The following NEK9 variants were observed in gnomAD, a reference collection of about 807,000 sequenced individuals.
NEK9 encodes the protein NIMA related kinase 9.
A neutral mutation model predicts 123.4 loss-of-function variants in NEK9; 75 were observed. The observed-to-expected ratio is 0.61, with a 90% CI of 0.50 to 0.74. The LOEUF (loss-of-function observed/expected upper bound fraction) is 0.74. Among genes scored for constraint, NEK9 ranks in the 30% least tolerant of loss-of-function variants. NEK9 has a pLI of 0.00. For missense variants in NEK9, 952 were observed against 1,214.4 expected (o/e 0.78, Z 3.21); for synonymous variants, 438 against 458.7 (o/e 0.95, Z 0.58).
chr14:75,097,149 A>T lies in NEK9; in HGVS notation c.2124T>A (p.His708Gln). 1 of 1,613,884 alleles carries T rather than the reference A, an allele frequency of 6.2e-7. No homozygotes were observed. The highest frequency in any genetic ancestry group is 8.5e-7 in the Non-Finnish European group (1 of 1,179,844). ...SWPRPIFGSL[H>Q]HVPDLSCRGW... Reference sequence around the variant, plus strand: ...CACGGCAAGACAGGTCCGGGACATGATGCAGAGATCCAAAAATAGGCCGAG... The same window carrying T: ...CACGGCAAGACAGGTCCGGGACATGTTGCAGAGATCCAAAAATAGGCCGAG... The change falls in exon 17 of 22, where the codon CAT (histidine) becomes CAA (glutamine). Residue 708 changes from histidine to glutamine, a missense_variant. By Grantham distance (24) the His-to-Gln change is conservative (BLOSUM62 0). This residue lies in a region of NEK9 where 698 missense variants were observed against 875.6 expected (regional missense o/e 0.80). Transcript: ENST00000238616.
intron 5 of NEK9, 57 bp from the exon 6 acceptor site, chr14:75,117,383 C>A: frequency 6.5e-7 from 1 of 1,530,236 alleles, no homozygotes; most frequent in Non-Finnish European, 8.8e-7. Context: ...ACTATGTTAA[C>A]ATTTCAACAG....
At chr14:75,094,562 G>A (rs1315456197) in intron 18 of NEK9, among the ~76,000 whole-genome samples, 1 of 152,154 alleles carries the variant, frequency 6.6e-6, no homozygotes, top group Non-Finnish European at 1.5e-5. Context: ...TTGGGAGGCT[G>A]AGGTGGGCAG....
chr14:75,108,171 C>G (rs1364312179), intron 10 of NEK9, among the ~76,000 whole-genome samples: 3 of 151,154 alleles, frequency 2.0e-5, no homozygotes, highest in African/African-American at 7.3e-5. Flanking sequence ...GTCACCCAGG[C>G]TGGAGCGCAG....
upstream of NEK9, chr14:75,127,136 T>A (rs12890371): frequency 3.7e-5 from 18 of 490,342 alleles, no homozygotes; most frequent in South Asian, 4.9e-4. Context: ...TTGGCTAGTC[T>A]AGCGGCCAAG....
chr14:75,115,102 C>T (rs1207860552), intron 6 of NEK9, among the ~76,000 whole-genome samples: 2 of 45,562 alleles, frequency 4.4e-5, no homozygotes, highest in Admixed American at 2.8e-4. Flanking sequence ...CATATATGCA[C>T]ACGTGTGTGC....
intron 8 of NEK9, 122 bp from the exon 9 acceptor site, chr14:75,110,493 C>T (rs2139777266): frequency 1.4e-6 from 1 of 705,158 alleles, no homozygotes; most frequent in Middle Eastern, 4.0e-4. Context: ...TACAACATCA[C>T]AATACTTTTA....
At chr14:75,112,294 G>A (rs1894982939) in intron 8 of NEK9, among the ~76,000 whole-genome samples, 1 of 152,200 alleles carries the variant, frequency 6.6e-6, no homozygotes. Context: ...TAGTGTAATA[G>A]GATGAAATAC....
chr14:75,103,852 A>T lies in NEK9; in HGVS notation c.1721T>A (p.Ile574Asn), dbSNP rs1461651630. The change falls in exon 14 of 22, where the codon ATC becomes AAC. Residue 574 changes from isoleucine to asparagine, a missense_variant. Around this residue, in one of 4 missense-constraint regions of NEK9, gnomAD observed 698 missense variants for 875.6 expected, o/e 0.80. Coordinates refer to ENST00000238616, the MANE Select transcript of NEK9 (RefSeq NM_033116.6). ...AATCAGGACACTCACTTCATGGTTGATAATTCCCGACATGCACTGATTCAG... is the reference window on the plus strand; with the variant it reads ...AATCAGGACACTCACTTCATGGTTGTTAATTCCCGACATGCACTGATTCAG... Reference protein sequence around the residue: ...LGLNQCMSGIINHEAYHEVPY... With the variant: ...LGLNQCMSGINNHEAYHEVPY... The T allele has an allele frequency of 6.2e-7, 1 of 1,611,212 alleles. No individual in the cohort carries two copies. The highest frequency in any genetic ancestry group is 1.1e-5 in the South Asian group (1 of 90,224).
intron 6 of NEK9, among the ~76,000 whole-genome samples, chr14:75,115,161 G>A (rs528369702): frequency 3.3e-5 from 5 of 151,588 alleles, no homozygotes; most frequent in African/African-American, 1.2e-4. Context: ...TGTCACCCAG[G>A]CTGGAGTGCA....
intron 1 of NEK9, 141 bp downstream of exon 1, chr14:75,126,562 G>T (rs1349430595): frequency 6.1e-6 from 3 of 493,130 alleles, no homozygotes; most frequent in Non-Finnish European, 1.0e-5. Context: ...TGAGTGGGAA[G>T]AGTGGTGAAG....
intron 8 of NEK9, among the ~76,000 whole-genome samples, chr14:75,111,104 T>G (rs932859246): frequency 1.1e-4 from 17 of 152,204 alleles, no homozygotes; most frequent in Non-Finnish European, 1.6e-4. Flanking sequence ...TGAACTGCCC[T>G]CTCGCAAACA....
chr14:75,111,838 C>G (rs1894968204), intron 8 of NEK9, among the ~76,000 whole-genome samples: 1 of 152,182 alleles, frequency 6.6e-6, no homozygotes, highest in Non-Finnish European at 1.5e-5. Flanking sequence ...TTACAGTGAG[C>G]TGAGACTACG....
intron 10 of NEK9, among the ~76,000 whole-genome samples, chr14:75,108,703 C>T (rs1023792750): frequency 2.0e-4 from 30 of 151,616 alleles, no homozygotes; most frequent in East Asian, 3.9e-4. Flanking sequence ...CACAGGCATG[C>T]GCCACCACTC....
At chr14:75,089,239 AT>A (rs572058058) in intron 19 of NEK9, among the ~76,000 whole-genome samples, 1 of 150,522 alleles carries the variant, frequency 6.6e-6, no homozygotes, top group East Asian at 2.0e-4. Context: ...GCTAATTATT[AT>A]TTTTTTGAGA....
At position 75,124,301 on chromosome 14, in the gene NEK9, A is replaced by G; in HGVS notation, c.220-78T>C. On this transcript the variant is annotated intron_variant, in intron 1 of 21. Coordinates refer to ENST00000238616, the MANE Select transcript of NEK9 (RefSeq NM_033116.6). Reference sequence around the variant, plus strand: ...AATCCACACCTAGATCTGTAAGCCTAGAAGGAAAACTTCCTAGAGGGGCAC... The same window carrying G: ...AATCCACACCTAGATCTGTAAGCCTGGAAGGAAAACTTCCTAGAGGGGCAC... 3 of 1,395,002 alleles carry G rather than the reference A, an allele frequency of 2.2e-6. No individual in the cohort carries two copies. In the East Asian group the frequency reaches 7.0e-5, roughly 33 times the overall value. The allele number at this position is 1,395,002 out of a possible 1,614,324, so 86.4% of individuals were successfully genotyped here.
In NEK9 at chr14:75,115,178, C is replaced by T. The variant is rs551187085; in HGVS notation, c.763-865G>A. ...TCACCCAGGCTGGAGTGCAGTGACA[C>T]GATCTCCACTCACTACAACCTCTGT... On this transcript the variant is annotated intron_variant, in intron 6 of 21. Coordinates refer to ENST00000238616, the MANE Select transcript of NEK9 (RefSeq NM_033116.6). 4.6e-5 allele frequency among the ~76,000 whole-genome samples: 7 copies of T among 152,062 alleles called. No individual in the cohort carries two copies. In the South Asian group the frequency reaches 1.0e-3, roughly 23 times the overall value.
At chr14:75,096,230 T>A (rs1416103032) in intron 17 of NEK9, among the ~76,000 whole-genome samples, 5 of 131,914 alleles carry the variant, frequency 3.8e-5, no homozygotes, top group Non-Finnish European at 7.6e-5. Context: ...TGAGCTGAGA[T>A]CGCACCACTG....
intron 6 of NEK9, among the ~76,000 whole-genome samples, chr14:75,115,907 TG>T (rs1895126671): frequency 6.6e-6 from 1 of 152,228 alleles, no homozygotes; most frequent in African/African-American, 2.4e-5. Flanking sequence ...AGGGATTCAT[TG>T]TCCATAAAGC....
At chr14:75,111,415 A>G (rs1041661024) in intron 8 of NEK9, among the ~76,000 whole-genome samples, 3 of 152,036 alleles carry the variant, frequency 2.0e-5, no homozygotes, top group Non-Finnish European at 4.4e-5. Context: ...TTTCCTGAAT[A>G]TTTTCCACAA....
Sources: gnomAD v4.1 joint callset for allele counts (sites outside exome capture counted in the v4.1 genomes callset) on GRCh38, gnomAD v4.1.1 for gene constraint, gnomAD v4.1.1 regional missense constraint, MANE v1.5 for transcripts, NCBI Gene and HGNC (gene_info 2026-07-23, HGNC 2026-07-21) for gene names.